Variants in CDH6 observed in about 807,000 individuals in gnomAD.
CDH6 encodes cadherin 6, also known as cadherin-6.
In CDH6, 31 loss-of-function variants were observed where a neutral mutation model predicts 78.0. The ratio of observed to expected loss-of-function variants is 0.40; its 90% CI spans 0.30 to 0.54. CDH6 has a LOEUF of 0.54. Among genes scored for constraint, CDH6 ranks in the 20% least tolerant of loss-of-function variants. CDH6 has a pLI of 0.56. For synonymous variants in CDH6, 376 were observed against 368.8 expected, an observed-to-expected ratio of 1.02 and a Z score of -0.23; for missense variants, 724 against 975.9, an observed-to-expected ratio of 0.74 and a Z score of 3.44.
At chr5:31,266,353 C>G (rs1742354139) in intron 1 of CDH6, among the ~76,000 whole-genome samples, 1 of 152,150 alleles carries the variant, frequency 6.6e-6, no homozygotes, top group South Asian at 2.1e-4. Context: ...ACAGTTCTTA[C>G]AGTTGATGGC....
rs750015790 is a variant in CDH6 at position 31,317,664 on chromosome 5, C to T, written c.1631-9C>T. On this transcript the variant is annotated splice_polypyrimidine_tract_variant and intron_variant, in intron 10 of 11. Transcript: ENST00000265071. Reference sequence around the variant, plus strand: ...CACATACATTCACCACTTTGCTTTCCGGTTCCAGACAACACGGCGGGAATC... The same window carrying T: ...CACATACATTCACCACTTTGCTTTCTGGTTCCAGACAACACGGCGGGAATC... 2.5e-5 allele frequency: 40 copies of T among 1,603,724 alleles called. No individual in the cohort carries two copies. Among genetic ancestry groups the T allele is most frequent in the African/African-American group, 4.0e-5 (3 of 74,724 alleles).
chr5:31,304,415 C>T (rs181678350), intron 6 of CDH6, among the ~76,000 whole-genome samples: 17 of 152,164 alleles, frequency 1.1e-4, no homozygotes, highest in African/African-American at 3.6e-4. Context: ...GGCCAGGCAC[C>T]GTGGCTCACG....
intron 2 of CDH6, among the ~76,000 whole-genome samples, chr5:31,290,804 G>A (rs1743136993): frequency 6.6e-6 from 1 of 152,214 alleles, no homozygotes; most frequent in Non-Finnish European, 1.5e-5. Context: ...GGAGGAAGGG[G>A]GAGGAAGTGA....
chr5:31,268,410 T>C (rs1315443552), intron 2 of CDH6, among the ~76,000 whole-genome samples: 4 of 152,328 alleles, frequency 2.6e-5, no homozygotes, highest in East Asian at 1.9e-4. Flanking sequence ...CATCACTTAT[T>C]ATAGCCCTCA....
At chr5:31,301,362 A>G (rs1737757839) in intron 5 of CDH6, among the ~76,000 whole-genome samples, 1 of 152,222 alleles carries the variant, frequency 6.6e-6, no homozygotes, top group Admixed American at 6.5e-5. Context: ...TTTGGTGCTA[A>G]GTATATCATG....
At chr5:31,282,054 C>T (rs1203349501) in intron 2 of CDH6, among the ~76,000 whole-genome samples, 1 of 152,176 alleles carries the variant, frequency 6.6e-6, no homozygotes, top group Non-Finnish European at 1.5e-5. Flanking sequence ...CTCCCTCCTC[C>T]ACTGGGATTC....
chr5:31,196,525 T>G (rs888566217), intron 1 of CDH6, among the ~76,000 whole-genome samples: 1 of 152,184 alleles, frequency 6.6e-6, no homozygotes, highest in Admixed American at 6.5e-5. Context: ...CTATTCAAAC[T>G]TTTTTTAGTT....
intron 1 of CDH6, among the ~76,000 whole-genome samples, chr5:31,227,223 G>A (rs1301256081): frequency 6.6e-6 from 1 of 152,090 alleles, no homozygotes; most frequent in African/African-American, 2.4e-5. Flanking sequence ...AGGAACGTAC[G>A]GCGGGAAAGC....
At chr5:31,200,572 AC>A (rs1740322929) in intron 1 of CDH6, among the ~76,000 whole-genome samples, 1 of 141,162 alleles carries the variant, frequency 7.1e-6, no homozygotes, top group Non-Finnish European at 1.5e-5. Flanking sequence ...ATACATACAC[AC>A]ACACACACAC....
chr5:31,302,659 G>C (rs1290652899), intron 6 of CDH6, among the ~76,000 whole-genome samples: 16 of 143,606 alleles, frequency 1.1e-4, no homozygotes, highest in Admixed American at 7.9e-4. Flanking sequence ...GTTGCAGTGA[G>C]CCAAGATCAC....
chr5:31,297,068 C>G (rs1426583039), intron 3 of CDH6, among the ~76,000 whole-genome samples: 1 of 152,152 alleles, frequency 6.6e-6, no homozygotes, highest in African/African-American at 2.4e-5. Flanking sequence ...AAGTCATGAT[C>G]ATTCCCATGC....
At position 31,278,666 on chromosome 5, in the gene CDH6, A is replaced by G. The variant is rs149533300; in HGVS notation, c.228+10965A>G. On this transcript the variant is annotated intron_variant, in intron 2 of 11. Transcript: ENST00000265071. Reference sequence around the variant, plus strand: ...GATTGTTGATTGCAACCATTCACAAAAATATCAGCTATAGAGAGAAATGTG... The same window carrying G: ...GATTGTTGATTGCAACCATTCACAAGAATATCAGCTATAGAGAGAAATGTG... 3.4e-3 allele frequency among the ~76,000 whole-genome samples: 515 copies of G among 152,338 alleles called. 4 individuals are homozygous for G. The highest frequency in any genetic ancestry group is 0.011 in the African/African-American group (478 of 41,586).
chr5:31,225,826 T>C (rs757391289), intron 1 of CDH6, among the ~76,000 whole-genome samples: 7 of 152,192 alleles, frequency 4.6e-5, no homozygotes, highest in Non-Finnish European at 7.3e-5. Context: ...ATAATGGTAC[T>C]GCATGGTGGG....
intron 1 of CDH6, among the ~76,000 whole-genome samples, chr5:31,221,818 T>C (rs1251952932): frequency 6.6e-6 from 1 of 152,194 alleles, no homozygotes; most frequent in Non-Finnish European, 1.5e-5. Context: ...ATATTACACA[T>C]GAAACTTAAA....
intron 11 of CDH6, among the ~76,000 whole-genome samples, chr5:31,320,035 T>C (rs2962789): frequency 0.5 from 75,484 of 151,964 alleles, 19,323 homozygotes; most frequent in Non-Finnish European, 0.54. Context: ...GTCCCTCTAT[T>C]CCGCCAAAAA....
intron 1 of CDH6, among the ~76,000 whole-genome samples, chr5:31,209,868 A>G (rs970760180): frequency 1.9e-4 from 29 of 152,188 alleles, no homozygotes; most frequent in African/African-American, 6.5e-4. Flanking sequence ...GCTGGTGGCA[A>G]TTGGAGCTAC....
chr5:31,248,402 C>T lies in CDH6; in HGVS notation c.-128-18944C>T, dbSNP rs543207958. ...TTTTATTTTCATCCAACTTATCAGG[C>T]GTCTTAATTTAAAAAAGAATCCCAT... is the stretch of plus-strand genomic sequence containing the variant. On this transcript the variant is annotated intron_variant, in intron 1 of 11. Coordinates refer to ENST00000265071, the MANE Select transcript of CDH6 (RefSeq NM_004932.4). Among the ~76,000 whole-genome samples, 5 of 152,224 alleles carry T rather than the reference C, an allele frequency of 3.3e-5. No homozygotes were observed. The South Asian group carries it at 6.2e-4, about 19-fold the overall frequency.
At chr5:31,315,384 A>G (rs1460656917) in intron 8 of CDH6, among the ~76,000 whole-genome samples, 1 of 152,254 alleles carries the variant, frequency 6.6e-6, no homozygotes, top group East Asian at 1.9e-4. Flanking sequence ...ACAAAGTGAA[A>G]AAACAAATAG....
rs958628557 is a variant in CDH6 at position 31,326,683 on chromosome 5, T to C, written c.*3375T>C. On this transcript the variant is annotated 3_prime_UTR_variant, in exon 12 of 12. Coordinates refer to ENST00000265071, the MANE Select transcript of CDH6 (RefSeq NM_004932.4). ...AGAGTTGTGCAGAAAATCTTAAAAT[T>C]TTTTTTTTTTTTTTTTTTTTTTTTT... 2.6e-5 allele frequency: 3 copies of C among 116,598 alleles called. No homozygotes were observed. Among genetic ancestry groups the C allele is most frequent in the African/African-American group, 1.5e-4 (3 of 19,790 alleles). The allele number at this position is 116,598 out of a possible 1,614,324, so 7.2% of individuals were successfully genotyped here. A position where few individuals can be genotyped will look rare whatever the true frequency, so the allele number is the denominator to read the frequency against.
Sources: allele counts gnomAD v4.1 joint callset (sites outside exome capture counted in the v4.1 genomes callset), GRCh38; gene constraint gnomAD v4.1.1; transcripts MANE v1.5; gene names NCBI Gene and HGNC (gene_info 2026-07-23, HGNC 2026-07-21).